FRMPD3: variants seen among roughly 807,000 people sequenced by gnomAD.
The protein encoded by FRMPD3 is FERM and PDZ domain containing 3.
Under a neutral mutation model 97.9 loss-of-function variants are expected in FRMPD3, and 42 were observed. The ratio of observed to expected loss-of-function variants is 0.43; its 90% confidence interval spans 0.34 to 0.55. The LOEUF (loss-of-function observed/expected upper bound fraction) is 0.55. FRMPD3 is among the 20% of genes least tolerant of loss of function. FRMPD3 has a pLI of 0.03. For missense variants in FRMPD3, 1,303 were observed against 1,457.7 expected, an observed-to-expected ratio of 0.89 and a Z score of 1.73; for synonymous variants, 577 against 581.1, an observed-to-expected ratio of 0.99 and a Z score of 0.10.
intron 12 of FRMPD3, among the ~76,000 whole-genome samples, chrX:107,565,988 G>A (rs1922587592): frequency 8.9e-6 from 1 of 112,508 alleles, no homozygotes; most frequent in African/African-American, 3.2e-5. Context: ...GGAAGAAGGG[G>A]AACATGCAGA....
At chrX:107,469,652 C>A (rs1921010002) in intron 1 of FRMPD3, among the ~76,000 whole-genome samples, 1 of 112,915 alleles carries the variant, frequency 8.9e-6, no homozygotes, top group Admixed American at 9.3e-5. Flanking sequence ...CAAATCCCAG[C>A]TCTGCCACTT....
At chrX:107,478,463 G>A (rs1221092066) in intron 1 of FRMPD3, among the ~76,000 whole-genome samples, 2 of 111,791 alleles carry the variant, frequency 1.8e-5, no homozygotes, top group African/African-American at 6.5e-5. Context: ...TTGTGGTTTA[G>A]TTGTCTCCTC....
At chrX:107,456,057 CTATTATTAT>C (rs746552425) in intron 1 of FRMPD3, among the ~76,000 whole-genome samples, 1 of 109,528 alleles carries the variant, frequency 9.1e-6, no homozygotes, top group Admixed American at 9.7e-5. Flanking sequence ...TAGTGGATGA[CTATTATTAT>C]TATTATTATT....
At chrX:107,468,106 C>A (rs1003952106) in intron 1 of FRMPD3, among the ~76,000 whole-genome samples, 18 of 111,435 alleles carry the variant, frequency 1.6e-4, no homozygotes, top group African/African-American at 5.9e-4. Context: ...AAAAGCCCAC[C>A]CCTACTCTAC....
Position 107,563,099 on chromosome X carries a change from G to A in FRMPD3, c.1027-12G>A. On this transcript the variant is annotated splice_polypyrimidine_tract_variant and intron_variant, in intron 10 of 14. Transcript: ENST00000683843. ...TCAGGCTTCTCATATTTCTGGATGG[G>A]TTTTTCCACAGGGCTCTGCAATTCA... The A allele has an allele frequency of 8.3e-7, 1 of 1,201,445 alleles. No homozygotes were observed. Among genetic ancestry groups the A allele is most frequent in the Non-Finnish European group, 1.1e-6 (1 of 887,847 alleles).
At chrX:107,544,199 A>G (rs1423923146) in intron 4 of FRMPD3, among the ~76,000 whole-genome samples, 1 of 111,484 alleles carries the variant, frequency 9.0e-6, no homozygotes, top group African/African-American at 3.3e-5. Flanking sequence ...AGTCAAAATC[A>G]TAGAAGTGGA....
chrX:107,500,052 A>G lies in FRMPD3; in HGVS notation c.-7-26530A>G, dbSNP rs189547513. On this transcript the variant is annotated intron_variant, in intron 1 of 14. Transcript: ENST00000683843. ...GGAGGGATTATGTACTCACTAGGGG[A>G]AGATCAAATGTATGCCGTAGAAATG... 7.8e-3 allele frequency among the ~76,000 whole-genome samples: 878 copies of G among 112,048 alleles called. 15 individuals are homozygous for G. The highest frequency in any genetic ancestry group is 0.026 in the African/African-American group (816 of 30,840).
chrX:107,481,018 C>A (rs1199241038), intron 1 of FRMPD3, among the ~76,000 whole-genome samples: 1 of 111,255 alleles, frequency 9.0e-6, no homozygotes, highest in Non-Finnish European at 1.9e-5. Context: ...TGCCACCCAG[C>A]TTTACTCTCG....
chrX:107,588,364 C>T (rs1923756060), intron 13 of FRMPD3, among the ~76,000 whole-genome samples: 1 of 110,499 alleles, frequency 9.0e-6, no homozygotes, highest in African/African-American at 3.3e-5. Flanking sequence ...AAGTGATTTT[C>T]CTGCCTCAGC....
At chrX:107,459,880 TACATAC>T (rs1478379716) in intron 1 of FRMPD3, among the ~76,000 whole-genome samples, 6 of 55,693 alleles carry the variant, frequency 1.1e-4, no homozygotes, top group East Asian at 5.6e-4. Context: ...CACGCAAGCA[TACATAC>T]ACACACACAC....
In FRMPD3 at chrX:107,526,665, G is replaced by A. The variant is rs749541832; in HGVS notation, c.77G>A (p.Arg26Gln). ...ATACTGCGACAAGTGACCGTTCACC[G>A]AGACCCTATATATGGCTTTGGCTTC... ...AEILRQVTVH[R>Q]DPIYGFGFVA... The change falls in exon 2 of 15, where the codon CGA becomes CAA. Residue 26 changes from arginine (R) to glutamine (Q), a missense_variant. Coordinates refer to ENST00000683843, the MANE Select transcript of FRMPD3 (RefSeq NM_001388459.1). The A allele has an allele frequency of 5.0e-6, 6 of 1,206,140 alleles. No individual in the cohort carries two copies. Among genetic ancestry groups the A allele is most frequent in the South Asian group, 1.8e-5 (1 of 56,340 alleles).
chrX:107,597,752 C>G lies in FRMPD3; in HGVS notation c.1873C>G (p.Pro625Ala). 2 of 1,195,959 alleles carry G rather than the reference C, an allele frequency of 1.7e-6. No individual in the cohort carries two copies. Among genetic ancestry groups the G allele is most frequent in the Non-Finnish European group, 2.3e-6 (2 of 887,842 alleles). ...CKAKLQEQLG[P>A]RKGGKPGSSR... ...AGCCAAACTTCAGGAGCAGCTGGGC[C>G]CTCGCAAAGGTGGGAAGCCTGGCTC... is the stretch of plus-strand genomic sequence containing the variant. The change falls in exon 14 of 15, where the codon CCT (proline) becomes GCT (alanine). Residue 625 changes from proline (P) to alanine (A), a missense_variant. This residue lies in a region of FRMPD3 where 535 missense variants were observed against 618.6 expected (regional missense o/e 0.86). Coordinates refer to ENST00000683843, the MANE Select transcript of FRMPD3 (RefSeq NM_001388459.1).
chrX:107,459,232 C>T (rs758830239), intron 1 of FRMPD3, among the ~76,000 whole-genome samples: 1 of 112,534 alleles, frequency 8.9e-6, no homozygotes, highest in East Asian at 2.8e-4. Context: ...CAGGCGATGC[C>T]TGTGTCTGGT....
intron 1 of FRMPD3, among the ~76,000 whole-genome samples, chrX:107,468,068 A>G (rs1931606377): frequency 9.0e-6 from 1 of 111,678 alleles, no homozygotes; most frequent in Non-Finnish European, 1.9e-5. Context: ...CTCTTTGGAA[A>G]GTTCAAGACT....
chrX:107,479,100 G>C (rs990495871), intron 1 of FRMPD3, among the ~76,000 whole-genome samples: 6 of 112,573 alleles, frequency 5.3e-5, no homozygotes, highest in African/African-American at 1.9e-4. Flanking sequence ...CTGTTTCGTG[G>C]CCTTTATACT....
In FRMPD3 at chrX:107,467,503, G is replaced by C. The variant is rs115700688; in HGVS notation, c.-8+17498G>C. ...ACACCTTATGACTACATCACTAAAG[G>C]TCTATTTATCATAGTTCCTTTTACA... On this transcript the variant is annotated intron_variant, in intron 1 of 14. Coordinates refer to ENST00000683843, the MANE Select transcript of FRMPD3 (RefSeq NM_001388459.1). Among the ~76,000 whole-genome samples the C allele has an allele frequency of 3.5e-3, 384 of 111,212 alleles. 1 individual carries two copies. The highest frequency in any genetic ancestry group is 0.012 in the African/African-American group (363 of 30,572).
chrX:107,502,236 A>G (rs1489109772), intron 1 of FRMPD3, among the ~76,000 whole-genome samples: 10 of 110,356 alleles, frequency 9.1e-5, no homozygotes, highest in Non-Finnish European at 1.9e-4. Context: ...GGGAGGAAAG[A>G]GAGGGGCCAA....
chrX:107,462,275 T>G (rs1931491502), intron 1 of FRMPD3, among the ~76,000 whole-genome samples: 1 of 112,029 alleles, frequency 8.9e-6, no homozygotes, highest in African/African-American at 3.2e-5. Flanking sequence ...ATTACTTTAA[T>G]TTTTCTTTCT....
chrX:107,551,347 C>A (rs1921856344), intron 6 of FRMPD3, among the ~76,000 whole-genome samples: 2 of 111,573 alleles, frequency 1.8e-5, no homozygotes, highest in African/African-American at 6.5e-5. Context: ...AGAACTAGAC[C>A]ACCCAGGAGG....
Sources: allele counts gnomAD v4.1 joint callset (sites outside exome capture counted in the v4.1 genomes callset), GRCh38; gene constraint gnomAD v4.1.1; regional missense constraint gnomAD v4.1.1; transcripts MANE v1.5; gene names NCBI Gene and HGNC (gene_info 2026-07-23, HGNC 2026-07-21).